DIS3L2: variants seen among roughly 807,000 people sequenced by gnomAD.
DIS3L2 encodes the protein DIS3 like 3'-5' exoribonuclease 2, also known as DIS3-like exonuclease 2.
In DIS3L2, 34 loss-of-function variants were observed where a neutral mutation model predicts 97.5. The observed-to-expected ratio is 0.35, with a 90% confidence interval of 0.27 to 0.46. The LOEUF (loss-of-function observed/expected upper bound fraction) is 0.46. Among genes scored for constraint, DIS3L2 ranks in the 20% least tolerant of loss-of-function variants. The pLI, the probability that DIS3L2 is intolerant of heterozygous loss-of-function variation, is 1.00. For synonymous variants in DIS3L2, 435 were observed against 445.2 expected (o/e 0.98, Z 0.29); for missense variants, 1,038 against 1,146.0 (o/e 0.91, Z 1.36).
chr2:232,157,869 C>T (rs572728734), intron 8 of DIS3L2, among the ~76,000 whole-genome samples: 54 of 152,294 alleles, frequency 3.5e-4, no homozygotes, highest in East Asian at 1.4e-3. Flanking sequence ...AGCACTGCAG[C>T]GATGGGGACA....
intron 9 of DIS3L2, among the ~76,000 whole-genome samples, chr2:232,176,030 C>A (rs898512361): frequency 7.9e-5 from 12 of 152,156 alleles, no homozygotes; most frequent in Admixed American, 1.3e-4. Context: ...GCTGGAATTA[C>A]AGGTGCCCAC....
At chr2:232,339,102 AGGAAG>A, downstream of DIS3L2, among the ~76,000 whole-genome samples, 1 of 152,288 alleles carries the variant, frequency 6.6e-6, no homozygotes, top group Middle Eastern at 3.4e-3. Flanking sequence ...GCCCAGCCTG[AGGAAG>A]GAGCTGAAGC....
intron 6 of DIS3L2, among the ~76,000 whole-genome samples, chr2:232,122,706 A>G (rs1392913504): frequency 2.0e-5 from 3 of 151,358 alleles, no homozygotes; most frequent in Non-Finnish European, 4.4e-5. Context: ...CGACAGAGCA[A>G]GACTCCATCT....
At chr2:232,336,379 C>A in intron 20 of DIS3L2, 90 bp from the exon 21 acceptor site, 7 of 1,550,082 alleles carry the variant, frequency 4.5e-6, no homozygotes, top group South Asian at 1.2e-5. Flanking sequence ...GAAGGAGGGG[C>A]CAGGGGTCCT....
At chr2:231,992,208 G>A (rs1304972646) in intron 1 of DIS3L2, among the ~76,000 whole-genome samples, 1 of 152,196 alleles carries the variant, frequency 6.6e-6, no homozygotes, top group Non-Finnish European at 1.5e-5. Context: ...GAGAAATTAG[G>A]TGAGACAGTA....
At chr2:232,030,106 T>G (rs1455805328) in intron 5 of DIS3L2, 26 bp downstream of exon 5, 1 of 1,594,466 alleles carries the variant, frequency 6.3e-7, no homozygotes, top group East Asian at 2.2e-5. Flanking sequence ...CCTTTCTAAT[T>G]ACAGATTTCT....
rs538646413 is a variant in DIS3L2, at chr2:232,013,510, A to G, written c.-93-1325A>G. ...CCTCTATTTTTATTTCCTTTTGCCA[A>G]TAGTATGCTTTCCTCACACTCTTAG... On this transcript the variant is annotated intron_variant, in intron 1 of 20. Transcript: ENST00000325385. 1.6e-4 allele frequency among the ~76,000 whole-genome samples: 25 copies of G among 152,252 alleles called. No homozygotes were observed. In the South Asian group the frequency reaches 1.9e-3, roughly 11 times the overall value.
chr2:232,268,610 TTA>T lies in DIS3L2; in HGVS notation c.1659+5175_1659+5176del, dbSNP rs954168130. ...CTTTAAGAACACTGAGATTTGAATT[TTA>T]TATAGTTTTCACACATCACAAAATA... On this transcript the variant is annotated intron_variant, in intron 13 of 20. Transcript: ENST00000325385. The surrounding 1 kb of genome is among the most constrained non-coding windows in gnomAD (Gnocchi z 4.1). Among the ~76,000 whole-genome samples the T allele has an allele frequency of 6.6e-6, 1 of 152,256 alleles. No homozygotes were observed. Among genetic ancestry groups the T allele is most frequent in the Non-Finnish European group, 1.5e-5 (1 of 68,042 alleles).
At chr2:232,079,344 C>G (rs759964850) in intron 5 of DIS3L2, among the ~76,000 whole-genome samples, 2 of 152,042 alleles carry the variant, frequency 1.3e-5, no homozygotes, top group Non-Finnish European at 2.9e-5. Context: ...CACCTGTAAT[C>G]CCAGCACTTT....
At chr2:232,190,409 A>G (rs557669916) in intron 9 of DIS3L2, among the ~76,000 whole-genome samples, 4 of 152,218 alleles carry the variant, frequency 2.6e-5, no homozygotes, top group Admixed American at 1.3e-4. Flanking sequence ...GGATATGCCT[A>G]CGTGGTCCTT....
intron 8 of DIS3L2, among the ~76,000 whole-genome samples, chr2:232,147,612 T>G (rs1216502205): frequency 3.3e-5 from 5 of 152,186 alleles, no homozygotes; most frequent in African/African-American, 1.2e-4. Flanking sequence ...TATTTTGACA[T>G]AACATTGAAT....
Position 232,268,450 on chromosome 2 carries a change from G to A in DIS3L2, c.1659+5010G>A, listed in dbSNP as rs953592549. ...AGGCAGGGATTGACGGATATTTTCT[G>A]TAAAGGACCAGATAGTAAATGGTTT... On this transcript the variant is annotated intron_variant, in intron 13 of 20. Transcript: ENST00000325385. This position sits in a 1 kb window ranked among gnomAD's most constrained non-coding sequence, Gnocchi z 4.1. Among the ~76,000 whole-genome samples the A allele has an allele frequency of 5.9e-5, 9 of 152,176 alleles. No homozygotes were observed. The highest frequency in any genetic ancestry group is 5.9e-4 in the Admixed American group (9 of 15,280).
At chr2:232,244,433 T>A (rs1693190993) in intron 11 of DIS3L2, among the ~76,000 whole-genome samples, 1 of 152,158 alleles carries the variant, frequency 6.6e-6, no homozygotes, top group Non-Finnish European at 1.5e-5. Flanking sequence ...ATGTAGTCAG[T>A]GGAACAGGTA....
chr2:231,967,388 G>T (rs1164789357), intron 1 of DIS3L2, among the ~76,000 whole-genome samples: 2 of 152,112 alleles, frequency 1.3e-5, no homozygotes, highest in African/African-American at 4.8e-5. Flanking sequence ...AGATGCTGAG[G>T]GATTCAGAGA....
rs538319458 is a variant in DIS3L2, at chr2:232,203,745, TG to T, written c.1125-6578del. Among the ~76,000 whole-genome samples, 320 of 152,182 alleles carry T rather than the reference TG, an allele frequency of 2.1e-3. 2 individuals carry two copies. The highest frequency in any genetic ancestry group is 7.3e-3 in the African/African-American group (304 of 41,514). On this transcript the variant is annotated intron_variant, in intron 9 of 20. Transcript: ENST00000325385. ...ATCAGAGAGAGGCAGGTTGCAGGCA[TG>T]GGTAGGGCGCATGGGGGAGAGATAG...
intron 8 of DIS3L2, among the ~76,000 whole-genome samples, chr2:232,155,637 C>G (rs1690468677): frequency 6.6e-6 from 1 of 152,030 alleles, no homozygotes; most frequent in Non-Finnish European, 1.5e-5. Flanking sequence ...GTTTTCTTTT[C>G]TTCATCTCTA....
At chr2:232,316,869 A>G (rs549743584) in intron 14 of DIS3L2, among the ~76,000 whole-genome samples, 1 of 152,158 alleles carries the variant, frequency 6.6e-6, no homozygotes, top group Non-Finnish European at 1.5e-5. Flanking sequence ...GCTGGTCGCT[A>G]TCTTTTGTGT....
chr2:232,157,916 G>A (rs973407340), intron 8 of DIS3L2, among the ~76,000 whole-genome samples: 1 of 152,186 alleles, frequency 6.6e-6, no homozygotes, highest in Non-Finnish European at 1.5e-5. Context: ...CACAGTGGGA[G>A]CCTTTCACTG....
At chr2:232,062,908 A>G (rs1695752195) in intron 5 of DIS3L2, among the ~76,000 whole-genome samples, 1 of 151,632 alleles carries the variant, frequency 6.6e-6, no homozygotes, top group African/African-American at 2.4e-5. Context: ...GATATCTCCA[A>G]TTCTAACACA....
Sources: gnomAD v4.1 joint callset for allele counts (sites outside exome capture counted in the v4.1 genomes callset) on GRCh38, gnomAD v4.1.1 for gene constraint, Gnocchi (gnomAD v3.1) non-coding constraint, MANE v1.5 for transcripts, NCBI Gene and HGNC (gene_info 2026-07-23, HGNC 2026-07-21) for gene names.